The following UGP2 variants were observed in gnomAD, a reference collection of about 807,000 sequenced individuals.
UGP2 encodes the protein UDP-glucose pyrophosphorylase 2.
Under a neutral mutation model 49.0 loss-of-function variants are expected in UGP2, and 40 were observed. The ratio of observed to expected loss-of-function variants is 0.82; its 90% CI spans 0.63 to 1.06. UGP2 has a LOEUF of 1.06. UGP2 is among the 50% of genes least tolerant of loss of function. The pLI is 0.00. For missense variants in UGP2, 460 were observed against 603.5 expected, an observed-to-expected ratio of 0.76 and a Z score of 2.49; for synonymous variants, 225 against 213.0, an observed-to-expected ratio of 1.06 and a Z score of -0.49.
chr2:63,846,444 T>TA (rs1226941095), intron 1 of UGP2, among the ~76,000 whole-genome samples: 18 of 48,796 alleles, frequency 3.7e-4, no homozygotes, highest in East Asian at 3.3e-3. Context: ...CATTGTTTTT[T>TA]TAAAAAAAAT....
chr2:63,859,047 T>C (rs1462415977), intron 3 of UGP2, among the ~76,000 whole-genome samples: 1 of 151,272 alleles, frequency 6.6e-6, no homozygotes, highest in Non-Finnish European at 1.5e-5. Context: ...CAAGCTGGAG[T>C]ACAATGGCAT....
At chr2:63,853,974 A>C (rs866485746) in intron 1 of UGP2, among the ~76,000 whole-genome samples, 2 of 152,230 alleles carry the variant, frequency 1.3e-5, no homozygotes, top group South Asian at 2.1e-4. Context: ...TTGATTGAAC[A>C]TAAGAAGAGG....
intron 3 of UGP2, among the ~76,000 whole-genome samples, chr2:63,877,514 A>G (rs1317179995): frequency 6.6e-6 from 1 of 152,254 alleles, no homozygotes; most frequent in African/African-American, 2.4e-5. Flanking sequence ...AAAATATTTC[A>G]GCATGCACTT....
upstream of UGP2, chr2:63,841,614 G>C (rs1193815497): frequency 6.6e-6 from 1 of 152,390 alleles, no homozygotes; most frequent in Non-Finnish European, 1.5e-5. Context: ...CTAGTCCCAG[G>C]ATGTTTATGG....
intron 2 of UGP2, chr2:63,856,940 TTTTA>T: frequency 2.5e-6 from 1 of 398,176 alleles, no homozygotes; most frequent in Non-Finnish European, 4.9e-6. Flanking sequence ...GCTAGCTGTG[TTTTA>T]TTTCTTTTTG....
At position 63,870,593 on chromosome 2, in the gene UGP2, T is replaced by C. The variant is rs529390867; in HGVS notation, c.256-11873T>C. Among the ~76,000 whole-genome samples, 3 of 152,358 alleles carry C rather than the reference T, an allele frequency of 2.0e-5. No individual in the cohort carries two copies. The East Asian group carries it at 5.8e-4, about 29-fold the overall frequency. On this transcript the variant is annotated intron_variant, in intron 3 of 9. Transcript: ENST00000337130. ...GTTTCTAATCAGTGATCAAACCACTTTTATTTTAAACTAAGGATTTAAAAG... is the reference window on the plus strand; with the variant it reads ...GTTTCTAATCAGTGATCAAACCACTCTTATTTTAAACTAAGGATTTAAAAG...
chr2:63,890,762 C>G (rs1378419096), intron 9 of UGP2, among the ~76,000 whole-genome samples: 1 of 152,088 alleles, frequency 6.6e-6, no homozygotes, highest in Non-Finnish European at 1.5e-5. Flanking sequence ...AACAAAAGCC[C>G]TATATGTAAA....
In UGP2 at chr2:63,887,384, A is replaced by C. The variant is rs2104365296; in HGVS notation, c.1072-18A>C. The C allele has an allele frequency of 6.2e-7, 1 of 1,613,090 alleles. No individual in the cohort carries two copies. The highest frequency in any genetic ancestry group is 8.5e-7 in the Non-Finnish European group (1 of 1,179,604). On this transcript the variant is annotated intron_variant, in intron 7 of 9. Coordinates refer to ENST00000337130, the MANE Select transcript of UGP2 (RefSeq NM_006759.4). ...CTAAAACCTCTGTTTTCTATTCCCC[A>C]CCCCTAATTTCTTACAGACTTTGGA...
At position 63,887,494 on chromosome 2, in the gene UGP2, A is replaced by C. The variant is rs368712947; in HGVS notation, c.1164A>C (p.Pro388=). 374 of 1,613,960 alleles carry C rather than the reference A, an allele frequency of 2.3e-4. No homozygotes were observed. The highest frequency in any genetic ancestry group is 2.8e-4 in the Admixed American group (17 of 59,984). Reference sequence around the variant, plus strand: ...AGAATTCTCTAGGTATTAATGTGCCAAGGAGCCGTTTTCTGCCTGTCAAAA... The same window carrying C: ...AGAATTCTCTAGGTATTAATGTGCCCAGGAGCCGTTTTCTGCCTGTCAAAA... ...SFENSLGINV[P]RSRFLPVKTT... is the part of the protein sequence containing the mutation. Residue 388 remains proline (P), a synonymous_variant, in exon 8 of 10, where the codon CCA becomes CCC. Coordinates refer to ENST00000337130, the MANE Select transcript of UGP2 (RefSeq NM_006759.4).
At chr2:63,855,769 T>C (rs1192243744) in intron 1 of UGP2, 1 of 349,688 alleles carries the variant, frequency 2.9e-6, no homozygotes, top group South Asian at 2.1e-5. Flanking sequence ...CTCAAACTCC[T>C]GGGCTCCAGG....
At chr2:63,866,640 G>T (rs1340592929) in intron 3 of UGP2, among the ~76,000 whole-genome samples, 2 of 152,162 alleles carry the variant, frequency 1.3e-5, no homozygotes, top group Non-Finnish European at 2.9e-5. Context: ...AGGCCCACAG[G>T]CATGAGAGAA....
At chr2:63,841,021 G>C (rs1453957972), upstream of UGP2, 2 of 152,564 alleles carry the variant, frequency 1.3e-5, no homozygotes, top group Admixed American at 1.3e-4. Context: ...TTAGGAGAAA[G>C]TAGGGGCTGT....
intron 4 of UGP2, among the ~76,000 whole-genome samples, chr2:63,883,098 G>T (rs549708177): frequency 6.6e-6 from 1 of 152,296 alleles, no homozygotes; most frequent in East Asian, 1.9e-4. Flanking sequence ...CTCTTTTGGG[G>T]CAGTGGCCTT....
intron 3 of UGP2, among the ~76,000 whole-genome samples, chr2:63,880,036 CAAAATAATTGG>C (rs971999341): frequency 2.6e-5 from 4 of 152,136 alleles, no homozygotes; most frequent in African/African-American, 9.7e-5. Context: ...TTGGCTTTTA[CAAAATAATTGG>C]AAAATAATTG....
chr2:63,886,885 A>G (rs917775885), intron 7 of UGP2, among the ~76,000 whole-genome samples: 2 of 152,190 alleles, frequency 1.3e-5, no homozygotes, highest in African/African-American at 4.8e-5. Flanking sequence ...TCATGAAATG[A>G]TATTACTGAA....
chr2:63,854,189 C>T (rs1420168029), intron 1 of UGP2, among the ~76,000 whole-genome samples: 1 of 152,198 alleles, frequency 6.6e-6, no homozygotes, highest in African/African-American at 2.4e-5. Context: ...CTATTTTCAA[C>T]CTGTTTCCTC....
intron 1 of UGP2, among the ~76,000 whole-genome samples, chr2:63,847,286 C>A (rs1022751349): frequency 1.3e-5 from 2 of 151,948 alleles, no homozygotes; most frequent in Admixed American, 1.3e-4. Context: ...GAGACCCTTC[C>A]CTTTGTTGGT....
chr2:63,864,831 A>G (rs150891635), intron 3 of UGP2, among the ~76,000 whole-genome samples: 83 of 152,316 alleles, frequency 5.4e-4, no homozygotes, highest in African/African-American at 1.9e-3. Context: ...TTCCCACGAT[A>G]CATTTAACAA....
rs747311749 is a variant in UGP2 at position 63,882,476 on chromosome 2, A to G, written c.266A>G (p.Tyr89Cys). The change falls in exon 4 of 10, where the codon TAT becomes TGT. Residue 89 changes from tyrosine to cysteine, a missense_variant. This residue lies in a region of UGP2 where 143 missense variants were observed against 130.4 expected (regional missense o/e 1.10). Transcript: ENST00000337130. ...TTATTTTTCTTTCAGATTCAACCCT[A>G]TGAAAAGATAAAGGCCAGGGGCTTG... is the stretch of plus-strand genomic sequence containing the variant. ...QRPPEDSIQP[Y>C]EKIKARGLPD... is the part of the protein sequence containing the mutation. 6.3e-7 allele frequency: 1 copy of G among 1,580,514 alleles called. No homozygotes were observed. The highest frequency in any genetic ancestry group is 8.6e-7 in the Non-Finnish European group (1 of 1,157,318).
Sources: gnomAD v4.1 joint callset for allele counts (sites outside exome capture counted in the v4.1 genomes callset) on GRCh38, gnomAD v4.1.1 for gene constraint, gnomAD v4.1.1 regional missense constraint, MANE v1.5 for transcripts, NCBI Gene and HGNC (gene_info 2026-07-23, HGNC 2026-07-21) for gene names.